The following ARID5B variants were observed in gnomAD, a reference collection of about 807,000 sequenced individuals.
The protein encoded by ARID5B is AT-rich interaction domain 5B.
ARID5B carries 13 observed loss-of-function variants against 97.2 expected under a neutral mutation model. The observed-to-expected ratio is 0.13, with a 90% CI of 0.09 to 0.21. ARID5B has a LOEUF of 0.21. ARID5B is among the 10% of genes least tolerant of loss of function. The probability of loss-of-function intolerance (pLI) is 1.00; values close to 1 mark genes in which losing one functional copy is unlikely to be tolerated. For synonymous variants in ARID5B, 556 were observed against 570.3 expected (o/e 0.97, Z 0.36); for missense variants, 1,210 against 1,465.3 (o/e 0.83, Z 2.84).
chr10:62,030,323 G>A (rs1292454852), intron 4 of ARID5B, among the ~76,000 whole-genome samples: 1 of 152,034 alleles, frequency 6.6e-6, no homozygotes, highest in East Asian at 1.9e-4. Flanking sequence ...AGAGATGGGG[G>A]TTTCACCATG....
At chr10:62,024,960 A>C (rs1839402313) in intron 4 of ARID5B, 1 of 280,018 alleles carries the variant, frequency 3.6e-6, no homozygotes, top group South Asian at 1.7e-4. Context: ...GCAGTGCTAT[A>C]AGTAAAAGTC....
intron 3 of ARID5B, among the ~76,000 whole-genome samples, chr10:61,969,901 CAATT>C (rs1838601800): frequency 6.6e-6 from 1 of 152,100 alleles, no homozygotes; most frequent in South Asian, 2.1e-4. Context: ...TCTCCAACAT[CAATT>C]AAAGGGATTT....
At chr10:62,056,864 A>T (rs1321162029) in intron 5 of ARID5B, among the ~76,000 whole-genome samples, 2 of 152,204 alleles carry the variant, frequency 1.3e-5, no homozygotes, top group African/African-American at 4.8e-5. Context: ...AGTGTTGAAT[A>T]GTTGCAACAG....
intron 3 of ARID5B, among the ~76,000 whole-genome samples, chr10:61,996,976 G>A (rs1839007987): frequency 1.3e-5 from 2 of 151,810 alleles, no homozygotes; most frequent in Non-Finnish European, 2.9e-5. Flanking sequence ...CAGAGTTACT[G>A]GTTTCAAAGT....
intron 2 of ARID5B, among the ~76,000 whole-genome samples, chr10:61,905,669 T>G (rs778144425): frequency 6.6e-6 from 1 of 152,188 alleles, no homozygotes; most frequent in Non-Finnish European, 1.5e-5. Context: ...GAATTCATCA[T>G]ATTACATTCT....
intron 3 of ARID5B, among the ~76,000 whole-genome samples, chr10:61,996,073 G>C (rs1279668402): frequency 6.6e-6 from 1 of 152,104 alleles, no homozygotes; most frequent in Non-Finnish European, 1.5e-5. Context: ...GAAAGGTAGG[G>C]GTTCTAGGCT....
intron 9 of ARID5B, among the ~76,000 whole-genome samples, chr10:62,086,709 A>AAACAC (rs1554851219): frequency 8.8e-6 from 1 of 113,978 alleles, no homozygotes; most frequent in African/African-American, 3.2e-5. Context: ...AAAAAAAAAA[A>AAACAC]AAATATCAGG....
chr10:62,052,019 A>C (rs967809890), intron 5 of ARID5B, among the ~76,000 whole-genome samples: 1 of 152,094 alleles, frequency 6.6e-6, no homozygotes, highest in Non-Finnish European at 1.5e-5. Flanking sequence ...TAAATCTTAG[A>C]CTTTCACATT....
intron 4 of ARID5B, among the ~76,000 whole-genome samples, chr10:62,031,811 T>C (rs906929913): frequency 6.6e-6 from 1 of 152,288 alleles, no homozygotes; most frequent in Non-Finnish European, 1.5e-5. Flanking sequence ...AGTTGCCAGA[T>C]CTCTCAACTC....
chr10:62,021,460 C>T (rs2132891990), intron 4 of ARID5B, among the ~76,000 whole-genome samples: 1 of 152,210 alleles, frequency 6.6e-6, no homozygotes, highest in Middle Eastern at 3.4e-3. Flanking sequence ...ATATATGTAG[C>T]ATTTGAATAT....
At chr10:61,943,316 T>C (rs561316496) in intron 3 of ARID5B, among the ~76,000 whole-genome samples, 1 of 152,322 alleles carries the variant, frequency 6.6e-6, no homozygotes, top group South Asian at 2.1e-4. Flanking sequence ...AGTGGTTTTC[T>C]TATCTCCTTT....
intron 3 of ARID5B, among the ~76,000 whole-genome samples, chr10:61,946,775 T>C (rs1838243713): frequency 6.6e-6 from 1 of 151,902 alleles, no homozygotes; most frequent in African/African-American, 2.4e-5. Flanking sequence ...ATAAAAATTA[T>C]CCGGGCATGG....
Position 62,085,855 on chromosome 10 carries a change from C to T in ARID5B, c.1353C>T (p.Ser451=). The T allele has an allele frequency of 6.2e-7, 1 of 1,613,656 alleles. No individual in the cohort carries two copies. The highest frequency in any genetic ancestry group is 2.2e-5 in the East Asian group (1 of 44,880). Residue 451 remains serine (S), a synonymous_variant, in exon 9 of 10, where the codon AGC becomes AGT. Coordinates refer to ENST00000279873, the MANE Select transcript of ARID5B (RefSeq NM_032199.3). ...TKRIKHEIPK[S]KKEKENAPKP... ...GCATCAAACATGAAATACCTAAAAG[C>T]AAGAAAGAAAAAGAAAATGCCCCAA... is the stretch of plus-strand genomic sequence containing the variant.
chr10:62,084,723 G>A (rs894906036), intron 8 of ARID5B, among the ~76,000 whole-genome samples: 6 of 152,106 alleles, frequency 3.9e-5, no homozygotes, highest in Admixed American at 2.0e-4. Flanking sequence ...GAGCTACGTC[G>A]CAAAGGGAAA....
intron 8 of ARID5B, among the ~76,000 whole-genome samples, chr10:62,082,224 AT>A (rs1451741390): frequency 2.0e-5 from 3 of 152,164 alleles, no homozygotes; most frequent in Non-Finnish European, 2.9e-5. Flanking sequence ...TGGCTTACCT[AT>A]TTCAGATCCA....
chr10:61,929,661 C>T (rs1228787894), intron 2 of ARID5B, among the ~76,000 whole-genome samples: 1 of 152,172 alleles, frequency 6.6e-6, no homozygotes, highest in Non-Finnish European at 1.5e-5. Flanking sequence ...TCCTTTTTCT[C>T]CTGAGCAATT....
Position 62,093,150 on chromosome 10 carries a change from C to G in ARID5B, c.*120C>G, listed in dbSNP as rs1304863301. 1.4e-6 allele frequency: 2 copies of G among 1,437,954 alleles called. No homozygotes were observed. The highest frequency in any genetic ancestry group is 1.8e-6 in the Non-Finnish European group (2 of 1,082,334). The allele number at this position is 1,437,954 out of a possible 1,614,324, so 89.1% of individuals were successfully genotyped here. A position where few individuals can be genotyped will look rare whatever the true frequency, so the allele number is the denominator to read the frequency against. ...CTTCTAATCTGAGGCTATGATCAGT[C>G]CCAGCTGTAGGGGCCCAGAGGGGAG... On this transcript the variant is annotated 3_prime_UTR_variant, in exon 10 of 10. Transcript: ENST00000279873.
At chr10:61,983,629 G>T (rs1269863382) in intron 3 of ARID5B, among the ~76,000 whole-genome samples, 2 of 151,996 alleles carry the variant, frequency 1.3e-5, no homozygotes, top group Non-Finnish European at 2.9e-5. Flanking sequence ...CATCAGGTTT[G>T]AAGTTCAGTT....
intron 3 of ARID5B, among the ~76,000 whole-genome samples, chr10:61,942,951 A>G (rs1844438357): frequency 6.6e-6 from 1 of 152,236 alleles, no homozygotes; most frequent in Non-Finnish European, 1.5e-5. Flanking sequence ...CCTGGGGCAC[A>G]AGAAACACCA....
Sources: gnomAD v4.1 joint callset for allele counts (sites outside exome capture counted in the v4.1 genomes callset) on GRCh38, gnomAD v4.1.1 for gene constraint, MANE v1.5 for transcripts, NCBI Gene and HGNC (gene_info 2026-07-23, HGNC 2026-07-21) for gene names.